FKBP1B: variants seen among roughly 807,000 people sequenced by gnomAD.
FKBP1B encodes the protein FKBP prolyl isomerase 1B, also known as peptidyl-prolyl cis-trans isomerase FKBP1B.
A neutral mutation model predicts 13.5 loss-of-function variants in FKBP1B; 4 were observed. The observed-to-expected ratio is 0.30, with a 90% confidence interval of 0.15 to 0.68. FKBP1B has a LOEUF of 0.68. Among genes scored for constraint, FKBP1B ranks in the 30% least tolerant of loss-of-function variants. FKBP1B has a pLI of 0.76. For missense variants in FKBP1B, 93 were observed against 136.2 expected (o/e 0.68, Z 1.58); for synonymous variants, 54 against 53.6 (o/e 1.01, Z -0.03).
At position 24,060,932 on chromosome 2, in the gene FKBP1B, A is replaced by G. The variant is rs1468267475; in HGVS notation, c.198+6A>G. On this transcript the variant is annotated splice_donor_region_variant and intron_variant, in intron 3 of 3. Coordinates refer to ENST00000380986, the MANE Select transcript of FKBP1B (RefSeq NM_004116.5). The stretch of plus-strand genomic sequence containing the variant: ...TTGAAGAGGGTGCAGCCCAGGTAGG[A>G]TGAGGATTCGCATTAAAGGGGATCT... 6.2e-7 allele frequency: 1 copy of G among 1,608,346 alleles called. No homozygotes were observed. The highest frequency in any genetic ancestry group is 1.7e-5 in the Admixed American group (1 of 59,986).
At chr2:24,046,517 G>A (rs1178954976), upstream of FKBP1B, among the ~76,000 whole-genome samples, 14 of 152,246 alleles carry the variant, frequency 9.2e-5, no homozygotes, top group Admixed American at 9.2e-4. Flanking sequence ...ACTAAGAGCC[G>A]GTGCTCAGTA....
upstream of FKBP1B, among the ~76,000 whole-genome samples, chr2:24,044,876 C>T (rs1663564478): frequency 7.3e-6 from 1 of 136,524 alleles, no homozygotes; most frequent in Non-Finnish European, 1.6e-5. Context: ...TCTGCATAAA[C>T]ACCCTTGATG....
rs192324962 is a variant in FKBP1B at position 24,061,931 on chromosome 2, G to A, written c.198+1005G>A. Among the ~76,000 whole-genome samples the A allele has an allele frequency of 3.9e-5, 6 of 152,120 alleles. No individual in the cohort carries two copies. In the East Asian group the frequency reaches 9.7e-4, roughly 25 times the overall value. ...GTCACCAAGGCTGGACTGCAGTGGC[G>A]CAATCTTGGCTCACTGCAAGCTCCG... is the stretch of plus-strand genomic sequence containing the variant. On this transcript the variant is annotated intron_variant, in intron 3 of 3. Coordinates refer to ENST00000380986, the MANE Select transcript of FKBP1B (RefSeq NM_004116.5).
At chr2:24,036,106 A>T in the FKBP1B span, among the ~76,000 whole-genome samples, 1 of 146,062 alleles carries the variant, frequency 6.8e-6, no homozygotes, top group East Asian at 1.9e-4. Flanking sequence ...ATAAATAAAT[A>T]AAATAAAATG....
the FKBP1B span, chr2:24,039,135 C>A: frequency 6.2e-7 from 1 of 1,614,226 alleles, no homozygotes; most frequent in Non-Finnish European, 8.5e-7. Flanking sequence ...TTGGGTGCCA[C>A]ACACAGCCCT....
chr2:24,035,503 T>A, the FKBP1B span, among the ~76,000 whole-genome samples: 1 of 151,964 alleles, frequency 6.6e-6, no homozygotes, highest in Non-Finnish European at 1.5e-5. Flanking sequence ...TTAAACCAAA[T>A]AAATGAATTA....
At chr2:24,059,255 A>AAGAATTGAGAATAGCTGTTGGGCCT (rs1664270747) in intron 2 of FKBP1B, among the ~76,000 whole-genome samples, 1 of 150,942 alleles carries the variant, frequency 6.6e-6, no homozygotes, top group African/African-American at 2.5e-5. Flanking sequence ...AGAGTCACAG[A>AAGAATTGAGAATAGCTGTTGGGCCT]AGAATTGAGA....
At chr2:24,048,580 A>G (rs1663709540), upstream of FKBP1B, among the ~76,000 whole-genome samples, 1 of 151,802 alleles carries the variant, frequency 6.6e-6, no homozygotes, top group Admixed American at 6.6e-5. Flanking sequence ...GGTCTCCTAC[A>G]GTGTTGAGAT....
chr2:24,063,484 C>A lies in FKBP1B; in HGVS notation c.*292C>A. 2 of 319,688 alleles carry A rather than the reference C, an allele frequency of 6.3e-6. No homozygotes were observed. The highest frequency in any genetic ancestry group is 5.7e-6 in the Non-Finnish European group (1 of 175,956). The allele number at this position is 319,688 out of a possible 1,614,324, so 19.8% of individuals were successfully genotyped here. On this transcript the variant is annotated 3_prime_UTR_variant, in exon 4 of 4. Transcript: ENST00000380986. Reference sequence around the variant, plus strand: ...ACAGAACACAGATCTCTTGTTCGCACAATCTACACTGCCTTACCTTCACTT... The same window carrying A: ...ACAGAACACAGATCTCTTGTTCGCAAAATCTACACTGCCTTACCTTCACTT...
intron 1 of FKBP1B, among the ~76,000 whole-genome samples, chr2:24,051,207 A>T (rs578051167): frequency 3.4e-4 from 51 of 152,018 alleles, no homozygotes; most frequent in African/African-American, 1.2e-3. Context: ...GGTGGTACGC[A>T]CCTGTAATCC....
chr2:24,038,609 C>A, the FKBP1B span: 5 of 1,614,104 alleles, frequency 3.1e-6, no homozygotes, highest in Non-Finnish European at 4.2e-6. Flanking sequence ...GAATTACCCT[C>A]AGACTTATGT....
chr2:24,038,929 T>C, the FKBP1B span: 2 of 1,614,240 alleles, frequency 1.2e-6, no homozygotes, highest in Non-Finnish European at 1.7e-6. Flanking sequence ...GTGAAGAGTC[T>C]TCTGAGCGCT....
Position 24,062,533 on chromosome 2 carries a change from G to A in FKBP1B, c.199-531G>A, listed in dbSNP as rs1664441197. ...TTGCCATATTAGCCAGGCTGGTCTT[G>A]AACTTCTGGACTCAAGTGATCTGCC... On this transcript the variant is annotated intron_variant, in intron 3 of 3. Transcript: ENST00000380986. Among the ~76,000 whole-genome samples, 3 of 151,992 alleles carry A rather than the reference G, an allele frequency of 2.0e-5. No individual in the cohort carries two copies. In the South Asian group the frequency reaches 6.2e-4, roughly 31 times the overall value.
At chr2:24,041,742 A>G in the FKBP1B span, among the ~76,000 whole-genome samples, 15 of 151,390 alleles carry the variant, frequency 9.9e-5, no homozygotes, top group African/African-American at 3.6e-4. Context: ...AATCCCAGCT[A>G]CTCGGGAGGC....
chr2:24,058,203 GAA>G (rs201114311), intron 2 of FKBP1B, among the ~76,000 whole-genome samples: 9 of 126,622 alleles, frequency 7.1e-5, no homozygotes, highest in Admixed American at 2.4e-4. Context: ...TCTGTCTCAG[GAA>G]AAAAAAAAAA....
Position 24,050,003 on chromosome 2 carries a change from G to A in FKBP1B, c.37+117G>A, listed in dbSNP as rs1254959674. 2.6e-6 allele frequency: 2 copies of A among 766,840 alleles called. No individual in the cohort carries two copies. Among genetic ancestry groups the A allele is most frequent in the Non-Finnish European group, 3.6e-6 (2 of 554,424 alleles). The allele number at this position is 766,840 out of a possible 1,614,324, so 47.5% of individuals were successfully genotyped here. On this transcript the variant is annotated intron_variant, in intron 1 of 3. Transcript: ENST00000380986. The surrounding 1 kb of genome is among the most constrained non-coding windows in gnomAD (Gnocchi z 5.8). ...GCTGAAGGGTCGGGGGGCTGGATGG[G>A]GAAGGCAGGCGGAGACGCCGGACGG...
the FKBP1B span, chr2:24,038,979 C>T: frequency 1.9e-6 from 3 of 1,614,216 alleles, no homozygotes; most frequent in Non-Finnish European, 1.7e-6. Flanking sequence ...CTACTGCCAC[C>T]ACCAGCCTCA....
the FKBP1B span, chr2:24,039,301 C>T: frequency 6.2e-7 from 1 of 1,614,198 alleles, no homozygotes; most frequent in Non-Finnish European, 8.5e-7. Flanking sequence ...AGGTGGGGCC[C>T]AGGACAACCC....
the FKBP1B span, among the ~76,000 whole-genome samples, chr2:24,041,639 G>C: frequency 5.0e-4 from 76 of 151,994 alleles, no homozygotes; most frequent in African/African-American, 1.8e-3. Context: ...GATTACCTGA[G>C]GTCAGGAGTT....
Sources: gnomAD v4.1 joint callset for allele counts (sites outside exome capture counted in the v4.1 genomes callset) on GRCh38, gnomAD v4.1.1 for gene constraint, Gnocchi (gnomAD v3.1) non-coding constraint, MANE v1.5 for transcripts, NCBI Gene and HGNC (gene_info 2026-07-23, HGNC 2026-07-21) for gene names.